Variants in STUM observed in about 807,000 individuals in gnomAD.
The protein encoded by STUM is stum, mechanosensory transduction mediator homolog.
A neutral mutation model predicts 15.3 loss-of-function variants in STUM; 8 were observed. The observed-to-expected ratio is 0.52, with a 90% CI of 0.31 to 0.94. The LOEUF is 0.94. Among genes scored for constraint, STUM ranks in the 40% least tolerant of loss-of-function variants. The pLI, the probability that STUM is intolerant of heterozygous loss-of-function variation, is 0.05. For synonymous variants in STUM, 78 were observed against 88.7 expected (o/e 0.88, Z 0.68); for missense variants, 142 against 204.9 (o/e 0.69, Z 1.87).
rs1319206481 is a variant in STUM, at chr1:226,602,979, C to T, written c.*939C>T. On this transcript the variant is annotated 3_prime_UTR_variant, in exon 4 of 4. Coordinates refer to ENST00000366788, the MANE Select transcript of STUM (RefSeq NM_001003665.4). ...GGCAGAGTGTGGAACATCTCGCCTA[C>T]CATCAGGCACGTGAATATTTCTGCA... 1.3e-5 allele frequency: 2 copies of T among 152,194 alleles called. No homozygotes were observed. The highest frequency in any genetic ancestry group is 4.8e-5 in the African/African-American group (2 of 41,444). The allele number at this position is 152,194 out of a possible 1,614,324, so 9.4% of individuals were successfully genotyped here.
At chr1:226,581,356 C>T (rs1667914973) in intron 1 of STUM, among the ~76,000 whole-genome samples, 1 of 152,136 alleles carries the variant, frequency 6.6e-6, no homozygotes, top group African/African-American at 2.4e-5. Flanking sequence ...TGTCTTAGTC[C>T]ATTTTCTGTT....
intron 1 of STUM, among the ~76,000 whole-genome samples, chr1:226,550,595 C>CT (rs572158437): frequency 0.063 from 9,123 of 144,170 alleles, 518 homozygotes; most frequent in African/African-American, 0.16. Context: ...CTTGATCCAC[C>CT]TTTTTTTTTT....
At chr1:226,593,699 C>T (rs1285667390) in intron 1 of STUM, among the ~76,000 whole-genome samples, 1 of 152,214 alleles carries the variant, frequency 6.6e-6, no homozygotes, top group African/African-American at 2.4e-5. Flanking sequence ...AACAGCTTTG[C>T]CTCTCTGGAT....
chr1:226,555,821 C>A (rs900939598), intron 1 of STUM, among the ~76,000 whole-genome samples: 3 of 152,060 alleles, frequency 2.0e-5, no homozygotes, highest in Non-Finnish European at 2.9e-5. Context: ...CTGTAAGGAC[C>A]TAAGCCAGAA....
intron 1 of STUM, among the ~76,000 whole-genome samples, chr1:226,561,933 A>G (rs1450774977): frequency 6.8e-6 from 1 of 146,206 alleles, no homozygotes; most frequent in Non-Finnish European, 1.5e-5. Flanking sequence ...ACAAAAGGCC[A>G]TGCATTGTGT....
At chr1:226,566,030 C>A (rs1667619408) in intron 1 of STUM, among the ~76,000 whole-genome samples, 1 of 152,180 alleles carries the variant, frequency 6.6e-6, no homozygotes, top group African/African-American at 2.4e-5. Flanking sequence ...TCCCTAGGAC[C>A]TACCGTTTTG....
chr1:226,571,994 T>C (rs578085292), intron 1 of STUM, among the ~76,000 whole-genome samples: 3 of 152,326 alleles, frequency 2.0e-5, no homozygotes, highest in Non-Finnish European at 2.9e-5. Flanking sequence ...TGGAGGCCTC[T>C]TGAGCAAAGT....
intron 1 of STUM, among the ~76,000 whole-genome samples, chr1:226,574,567 C>T (rs1342093748): frequency 1.3e-5 from 2 of 152,172 alleles, no homozygotes; most frequent in East Asian, 3.8e-4. Context: ...GTATCATGTG[C>T]CCACCTTGGG....
chr1:226,551,209 C>G (rs1020249167), intron 1 of STUM, among the ~76,000 whole-genome samples: 2 of 152,136 alleles, frequency 1.3e-5, no homozygotes, highest in Non-Finnish European at 2.9e-5. Flanking sequence ...GCACACCTGT[C>G]TCTTGGCGTT....
intron 1 of STUM, among the ~76,000 whole-genome samples, chr1:226,559,486 A>G (rs904574940): frequency 1.3e-5 from 2 of 152,134 alleles, no homozygotes; most frequent in Admixed American, 1.3e-4. Context: ...ATATTTGTCC[A>G]GTTAACTGAA....
At position 226,596,899 on chromosome 1, in the gene STUM, C is replaced by G. The variant is rs1470211854; in HGVS notation, c.300C>G (p.Ala100=). 1.2e-6 allele frequency: 2 copies of G among 1,614,242 alleles called. No homozygotes were observed. Among genetic ancestry groups the G allele is most frequent in the East Asian group, 2.2e-5 (1 of 44,890 alleles). ...TCTTCTGGCTGAACATTGCAGCAGC[C>G]CTCATCCAAATCCTCACTGCCATCG... ...CCVFWLNIAA[A]LIQILTAIVM... is the part of the protein sequence containing the mutation. Residue 100 remains alanine (A), a synonymous_variant, in exon 2 of 4, where the codon GCC becomes GCG. Coordinates refer to ENST00000366788, the MANE Select transcript of STUM (RefSeq NM_001003665.4).
chr1:226,592,383 C>G (rs1668105281), intron 1 of STUM, among the ~76,000 whole-genome samples: 2 of 152,100 alleles, frequency 1.3e-5, no homozygotes, highest in Admixed American at 1.3e-4. Context: ...GATGCAACAC[C>G]CTAGACTGAA....
intron 1 of STUM, among the ~76,000 whole-genome samples, chr1:226,568,971 T>C (rs1667664718): frequency 6.6e-6 from 1 of 152,088 alleles, no homozygotes; most frequent in Non-Finnish European, 1.5e-5. Flanking sequence ...GGGACCTTGC[T>C]GTGCCCACAC....
intron 1 of STUM, among the ~76,000 whole-genome samples, chr1:226,568,190 G>A (rs771566143): frequency 6.6e-6 from 1 of 152,234 alleles, no homozygotes; most frequent in Non-Finnish European, 1.5e-5. Context: ...GGCAACGGCC[G>A]GCAGCTGCTG....
intron 1 of STUM, among the ~76,000 whole-genome samples, chr1:226,563,792 C>T (rs1667578416): frequency 6.6e-6 from 1 of 152,258 alleles, no homozygotes; most frequent in Admixed American, 6.5e-5. Flanking sequence ...AGAACTGCCC[C>T]TTTGCCTTGG....
chr1:226,552,771 T>C lies in STUM; in HGVS notation c.202+3665T>C, dbSNP rs911810305. ...TCTCTCTTTCCTCTAGACCCAAGGC[T>C]CAAACTGATGATTAATCATGTCCTA... On this transcript the variant is annotated intron_variant, in intron 1 of 3. Coordinates refer to ENST00000366788, the MANE Select transcript of STUM (RefSeq NM_001003665.4). This position sits in a 1 kb window ranked among gnomAD's most constrained non-coding sequence, Gnocchi z 4.7. Among the ~76,000 whole-genome samples the C allele has an allele frequency of 1.8e-4, 27 of 152,182 alleles. No homozygotes were observed. The highest frequency in any genetic ancestry group is 5.6e-4 in the African/African-American group (23 of 41,438).
intron 1 of STUM, among the ~76,000 whole-genome samples, chr1:226,557,017 A>T (rs1021512357): frequency 6.6e-6 from 1 of 152,190 alleles, no homozygotes; most frequent in African/African-American, 2.4e-5. Context: ...GCAACTTTGA[A>T]ATGTACGATA....
intron 1 of STUM, among the ~76,000 whole-genome samples, chr1:226,585,036 C>T (rs1285709632): frequency 1.3e-5 from 2 of 152,208 alleles, no homozygotes; most frequent in East Asian, 1.9e-4. Context: ...TAAGCTCACT[C>T]GAAGCACTTG....
rs2102681945 is a variant in STUM, at chr1:226,549,045, C to T, written c.141C>T (p.Pro47=). The T allele has an allele frequency of 1.3e-6, 2 of 1,584,032 alleles. No homozygotes were observed. The highest frequency in any genetic ancestry group is 1.7e-4 in the Middle Eastern group (1 of 5,980). ...AGGGCCCCCTGCGCGCCGCCATCCC[C>T]TACATGCCCTTCCCCGTGGCCGTCA... ...EKKGPLRAAI[P]YMPFPVAVIC... The change falls in exon 1 of 4, where the codon CCC becomes CCT. Residue 47 remains proline, a synonymous_variant. Coordinates refer to ENST00000366788, the MANE Select transcript of STUM (RefSeq NM_001003665.4). This position sits in a 1 kb window ranked among gnomAD's most constrained non-coding sequence, Gnocchi z 6.8.
Sources: gnomAD v4.1 joint callset for allele counts (sites outside exome capture counted in the v4.1 genomes callset) on GRCh38, gnomAD v4.1.1 for gene constraint, Gnocchi (gnomAD v3.1) non-coding constraint, MANE v1.5 for transcripts, NCBI Gene and HGNC (gene_info 2026-07-23, HGNC 2026-07-21) for gene names.